Variants in SPHKAP observed in about 807,000 individuals in gnomAD.
SPHKAP encodes the protein SPHK1 interactor, AKAP domain containing.
Under a neutral mutation model 137.5 loss-of-function variants are expected in SPHKAP, and 67 were observed. The ratio of observed to expected loss-of-function variants is 0.49; its 90% CI spans 0.40 to 0.60. The LOEUF is 0.60. Among genes scored for constraint, SPHKAP ranks in the 20% least tolerant of loss-of-function variants. SPHKAP has a pLI of 0.00. For missense variants in SPHKAP, 2,097 were observed against 2,069.3 expected, an observed-to-expected ratio of 1.01 and a Z score of -0.26; for synonymous variants, 813 against 785.3, an observed-to-expected ratio of 1.04 and a Z score of -0.59.
chr2:228,109,491 C>T, intron 2 of SPHKAP: 1 of 547,198 alleles, frequency 1.8e-6, no homozygotes, highest in Non-Finnish European at 2.3e-6. Flanking sequence ...TACCATTTGC[C>T]ATTTAGAAAT....
intron 3 of SPHKAP, among the ~76,000 whole-genome samples, chr2:228,070,171 G>A (rs1696960678): frequency 6.6e-6 from 1 of 152,128 alleles, no homozygotes; most frequent in Admixed American, 6.5e-5. Context: ...TTAACCAAAA[G>A]CCTTACTGAT....
At chr2:227,982,560 T>A (rs1693040900) in intron 11 of SPHKAP, among the ~76,000 whole-genome samples, 1 of 152,216 alleles carries the variant, frequency 6.6e-6, no homozygotes, top group Non-Finnish European at 1.5e-5. Flanking sequence ...AGTCATTCTC[T>A]TCATGGAACT....
chr2:228,056,893 G>C (rs947981476), intron 3 of SPHKAP, among the ~76,000 whole-genome samples: 1 of 152,124 alleles, frequency 6.6e-6, no homozygotes, highest in African/African-American at 2.4e-5. Context: ...TAGCCTGGAT[G>C]GTCTCCAGGT....
chr2:228,040,766 C>G (rs190680555), intron 3 of SPHKAP, among the ~76,000 whole-genome samples: 1 of 152,016 alleles, frequency 6.6e-6, no homozygotes, highest in Non-Finnish European at 1.5e-5. Flanking sequence ...AGTATGCACT[C>G]AAGATAATTG....
At chr2:228,146,488 G>A (rs920483601) in intron 1 of SPHKAP, among the ~76,000 whole-genome samples, 3 of 152,026 alleles carry the variant, frequency 2.0e-5, no homozygotes, top group Non-Finnish European at 2.9e-5. Flanking sequence ...CTCGTGTCAC[G>A]GTAGTTTGTG....
chr2:228,118,236 C>T (rs1046846867), intron 2 of SPHKAP, among the ~76,000 whole-genome samples: 1 of 122,552 alleles, frequency 8.2e-6, no homozygotes, highest in Non-Finnish European at 1.7e-5. Context: ...TGTGGAGATA[C>T]ACAGTTTTTT....
At chr2:228,166,308 A>G (rs1700421829) in intron 1 of SPHKAP, among the ~76,000 whole-genome samples, 1 of 152,212 alleles carries the variant, frequency 6.6e-6, no homozygotes, top group African/African-American at 2.4e-5. Context: ...AAAATGAACT[A>G]ATTTCCCTTA....
intron 3 of SPHKAP, among the ~76,000 whole-genome samples, chr2:228,089,763 T>A (rs1697660357): frequency 6.6e-6 from 1 of 152,170 alleles, no homozygotes; most frequent in Non-Finnish European, 1.5e-5. Flanking sequence ...GGGACATCTC[T>A]GGTTGCTGCT....
rs1423372017 is a variant in SPHKAP at position 228,108,872 on chromosome 2, T to C, written c.206A>G (p.Gln69Arg). ...AGACTTGTCTTCTACAAAACCAATTTGGCAGGGCATCCTCTGATTCTGCAA... is the reference window on the plus strand; with the variant it reads ...AGACTTGTCTTCTACAAAACCAATTCGGCAGGGCATCCTCTGATTCTGCAA... The part of the protein sequence containing the change: ...YWLQNQRMPC[Q>R]IGFVEDKSEN... The change falls in exon 3 of 12, where the codon CAA (glutamine) becomes CGA (arginine). Residue 69 changes from glutamine (Q) to arginine (R), a missense_variant. By Grantham distance (43) the Gln-to-Arg change is conservative. Transcript: ENST00000392056. The C allele has an allele frequency of 1.2e-6, 2 of 1,610,656 alleles. No individual in the cohort carries two copies. The highest frequency in any genetic ancestry group is 2.2e-5 in the East Asian group (1 of 44,526).
chr2:227,990,234 C>T (rs1693365894), intron 11 of SPHKAP, among the ~76,000 whole-genome samples: 1 of 152,208 alleles, frequency 6.6e-6, no homozygotes, highest in Admixed American at 6.5e-5. Flanking sequence ...CAGTAGAACT[C>T]ACCCTAACTT....
At chr2:228,027,463 A>T (rs1695089623) in intron 4 of SPHKAP, 21 bp downstream of exon 4, 1 of 1,613,200 alleles carries the variant, frequency 6.2e-7, no homozygotes, top group Non-Finnish European at 8.5e-7. Flanking sequence ...CCTCCCGGTC[A>T]GCTTGAGTTT....
chr2:228,135,838 AC>A (rs1389897061), intron 1 of SPHKAP, among the ~76,000 whole-genome samples: 2 of 152,178 alleles, frequency 1.3e-5, no homozygotes, highest in African/African-American at 4.8e-5. Flanking sequence ...ACTTCACTAC[AC>A]CCATATTTAA....
chr2:227,988,567 CAT>C (rs1038005183), intron 11 of SPHKAP, among the ~76,000 whole-genome samples: 22 of 152,336 alleles, frequency 1.4e-4, no homozygotes, highest in African/African-American at 5.3e-4. Context: ...ATTCACATAA[CAT>C]TGTTTCTTCA....
chr2:228,005,480 T>C (rs567710585), intron 7 of SPHKAP, among the ~76,000 whole-genome samples: 45 of 152,336 alleles, frequency 3.0e-4, no homozygotes, highest in South Asian at 2.9e-3. Context: ...TACAGCACAC[T>C]GATGGGTCTT....
At chr2:228,006,975 A>G (rs950633477) in intron 7 of SPHKAP, among the ~76,000 whole-genome samples, 2 of 152,082 alleles carry the variant, frequency 1.3e-5, no homozygotes, top group Non-Finnish European at 1.5e-5. Flanking sequence ...CAGATAGGCT[A>G]CTCGGGGGTC....
At chr2:228,047,837 A>G (rs1696121406) in intron 3 of SPHKAP, among the ~76,000 whole-genome samples, 1 of 152,226 alleles carries the variant, frequency 6.6e-6, no homozygotes, top group African/African-American at 2.4e-5. Flanking sequence ...GGTACAAACT[A>G]AAAATTGATA....
In SPHKAP at chr2:227,995,545, G is replaced by A; in HGVS notation, c.4598C>T (p.Thr1533Ile). ...LANEEDNPDD[T>I]SSFLQLSERS... ...CTCACTGAGCTGGAGAAAGCTACTTGTGTCATCTGGGTTGTCTTCCTCATT... is the reference window on the plus strand; with the variant it reads ...CTCACTGAGCTGGAGAAAGCTACTTATGTCATCTGGGTTGTCTTCCTCATT... Residue 1533 changes from threonine to isoleucine, a missense_variant, in exon 8 of 12, where the codon ACA becomes ATA. Transcript: ENST00000392056. The A allele has an allele frequency of 6.2e-7, 1 of 1,614,134 alleles. No homozygotes were observed. Among genetic ancestry groups the A allele is most frequent in the Non-Finnish European group, 8.5e-7 (1 of 1,180,006 alleles).
chr2:228,070,203 C>T (rs1471802881), intron 3 of SPHKAP, among the ~76,000 whole-genome samples: 1 of 152,128 alleles, frequency 6.6e-6, no homozygotes, highest in African/African-American at 2.4e-5. Context: ...TGGATTGACA[C>T]ATATTTTTAT....
chr2:228,097,221 T>G (rs1158902443), intron 3 of SPHKAP, among the ~76,000 whole-genome samples: 2 of 152,212 alleles, frequency 1.3e-5, no homozygotes, highest in Non-Finnish European at 2.9e-5. Context: ...GTATAAAATT[T>G]GAAACTTGAA....
Sources: allele counts gnomAD v4.1 joint callset (sites outside exome capture counted in the v4.1 genomes callset), GRCh38; gene constraint gnomAD v4.1.1; transcripts MANE v1.5; gene names NCBI Gene and HGNC (gene_info 2026-07-23, HGNC 2026-07-21).